Variants in SLCO2A1 observed in about 807,000 individuals in gnomAD.
The protein encoded by SLCO2A1 is solute carrier organic anion transporter family member 2A1.
In SLCO2A1, 60 loss-of-function variants were observed where a neutral mutation model predicts 71.7. The observed-to-expected ratio is 0.84, with a 90% CI of 0.68 to 1.04. The LOEUF is 1.04. Ranked by LOEUF, SLCO2A1 falls within the 50% of genes least tolerant of loss-of-function variation. The pLI is 0.00. For synonymous variants in SLCO2A1, 308 were observed against 326.7 expected, an observed-to-expected ratio of 0.94 and a Z score of 0.62; for missense variants, 745 against 813.4, an observed-to-expected ratio of 0.92 and a Z score of 1.02.
At chr3:133,959,905 G>T (rs1933994541) in intron 3 of SLCO2A1, among the ~76,000 whole-genome samples, 2 of 151,984 alleles carry the variant, frequency 1.3e-5, no homozygotes, top group African/African-American at 2.4e-5. Flanking sequence ...CAGATCACAA[G>T]GTCAGGAGAT....
intron 11 of SLCO2A1, 89 bp from the exon 12 acceptor site, chr3:133,938,582 G>A (rs1264026311): frequency 7.9e-7 from 1 of 1,259,232 alleles, no homozygotes; most frequent in East Asian, 2.3e-5. Context: ...GAGCAGGTCA[G>A]AACCAGCCCT....
At chr3:133,949,105 G>A in intron 6 of SLCO2A1, 134 bp from the exon 7 acceptor site, 1 of 690,320 alleles carries the variant, frequency 1.4e-6, no homozygotes, top group Non-Finnish European at 2.5e-6. Flanking sequence ...GTGTGCATGG[G>A]AGGGCATCCA....
At chr3:133,986,450 C>A (rs779606189) in intron 1 of SLCO2A1, among the ~76,000 whole-genome samples, 1 of 152,152 alleles carries the variant, frequency 6.6e-6, no homozygotes, top group Non-Finnish European at 1.5e-5. Flanking sequence ...ACTTGAGACA[C>A]ATCTTATAGA....
At chr3:133,967,957 G>A (rs1282277044) in intron 3 of SLCO2A1, among the ~76,000 whole-genome samples, 1 of 59,076 alleles carries the variant, frequency 1.7e-5, no homozygotes, top group Non-Finnish European at 3.0e-5. Flanking sequence ...CACTTCCCCC[G>A]ACATGGACCC....
At chr3:134,009,935 C>G (rs1935297763) in intron 1 of SLCO2A1, among the ~76,000 whole-genome samples, 1 of 152,168 alleles carries the variant, frequency 6.6e-6, no homozygotes, top group Admixed American at 6.5e-5. Context: ...GGGCTGCCTC[C>G]CAATGTCCTC....
intron 9 of SLCO2A1, among the ~76,000 whole-genome samples, chr3:133,945,778 G>A (rs908542146): frequency 6.6e-6 from 1 of 152,104 alleles, no homozygotes; most frequent in Admixed American, 6.6e-5. Context: ...ACTGTTCCCC[G>A]GTATCTGATA....
intron 8 of SLCO2A1, 28 bp downstream of exon 8, chr3:133,948,508 C>T (rs200005825): frequency 7.9e-5 from 126 of 1,597,736 alleles, no homozygotes; most frequent in African/African-American, 1.1e-4. Context: ...GCAAGCCCTG[C>T]GGATCCTGCA....
intron 1 of SLCO2A1, among the ~76,000 whole-genome samples, chr3:134,001,021 G>A (rs1935093932): frequency 6.6e-6 from 1 of 152,150 alleles, no homozygotes; most frequent in African/African-American, 2.4e-5. Context: ...TCATCACTTG[G>A]CATATGTTCT....
chr3:133,985,389 C>G (rs1331748420), intron 1 of SLCO2A1, among the ~76,000 whole-genome samples: 1 of 152,226 alleles, frequency 6.6e-6, no homozygotes, highest in East Asian at 1.9e-4. Context: ...ATAATAGATG[C>G]TAGCACTCTC....
intron 3 of SLCO2A1, among the ~76,000 whole-genome samples, chr3:133,971,800 A>C (rs1292382927): frequency 6.6e-6 from 1 of 152,222 alleles, no homozygotes; most frequent in African/African-American, 2.4e-5. Flanking sequence ...CACTTTCCAC[A>C]GTCCTTAAAA....
intron 3 of SLCO2A1, among the ~76,000 whole-genome samples, chr3:133,961,748 G>T (rs1454508736): frequency 6.6e-6 from 1 of 152,162 alleles, no homozygotes; most frequent in Admixed American, 6.5e-5. Context: ...GTTCCTCTTG[G>T]CCTATTCTAC....
intron 12 of SLCO2A1, among the ~76,000 whole-genome samples, chr3:133,936,890 G>A (rs1933282897): frequency 6.6e-6 from 1 of 152,178 alleles, no homozygotes. Flanking sequence ...TCCTTATGTA[G>A]AAGCAAAGTC....
At chr3:133,984,777 G>A (rs1343689741) in intron 1 of SLCO2A1, among the ~76,000 whole-genome samples, 3 of 152,180 alleles carry the variant, frequency 2.0e-5, no homozygotes, top group African/African-American at 7.2e-5. Flanking sequence ...CCATTATTTA[G>A]GCAATATAGT....
chr3:133,950,910 C>A (rs1933729151), intron 6 of SLCO2A1: 1 of 393,214 alleles, frequency 2.5e-6, no homozygotes, highest in Non-Finnish European at 4.8e-6. Context: ...CCTTTATTGG[C>A]TCTTAATTCT....
At chr3:133,978,017 T>A (rs1402684828) in intron 2 of SLCO2A1, among the ~76,000 whole-genome samples, 5 of 151,942 alleles carry the variant, frequency 3.3e-5, no homozygotes, top group Non-Finnish European at 5.9e-5. Context: ...GCCTGGAAGC[T>A]CAGAGGAGGA....
chr3:133,948,640 GCCAGGACCA>G lies in SLCO2A1; in HGVS notation c.992_1000del (p.Val331_Leu333del). On this transcript the variant is annotated inframe_deletion, in exon 8 of 14. Transcript: ENST00000310926. ...AATGACGGAGGAGAAGGTGCACTGG[GCCAGGACCA>G]CCAGGACGAAGAGTGAGTTCATCAG... 6.2e-7 allele frequency: 1 copy of G among 1,614,150 alleles called. No homozygotes were observed. The highest frequency in any genetic ancestry group is 1.3e-5 in the African/African-American group (1 of 75,044).
chr3:134,012,834 C>T (rs1935369800), intron 1 of SLCO2A1, among the ~76,000 whole-genome samples: 1 of 152,144 alleles, frequency 6.6e-6, no homozygotes, highest in South Asian at 2.1e-4. Context: ...CCATCCCTGA[C>T]TCTCCTCGGC....
intron 1 of SLCO2A1, among the ~76,000 whole-genome samples, chr3:134,016,109 G>A (rs560799805): frequency 3.9e-5 from 6 of 152,106 alleles, no homozygotes; most frequent in African/African-American, 1.2e-4. Context: ...GAAATCATTC[G>A]GAAACTAAGG....
Position 133,934,632 on chromosome 3 carries a change from C to T in SLCO2A1, c.*81G>A, listed in dbSNP as rs1486043709. 24 of 948,646 alleles carry T rather than the reference C, an allele frequency of 2.5e-5. No homozygotes were observed. Among genetic ancestry groups the T allele is most frequent in the Non-Finnish European group, 3.3e-5 (20 of 604,432 alleles). The allele number at this position is 948,646 out of a possible 1,614,324, so 58.8% of individuals were successfully genotyped here. ...GTTTAAAAATACAAAAAGGAAATGA[C>T]GTGTTAACATTAGTGAGTATAGGCA... On this transcript the variant is annotated 3_prime_UTR_variant, in exon 14 of 14. Coordinates refer to ENST00000310926, the MANE Select transcript of SLCO2A1 (RefSeq NM_005630.3).
Sources: allele counts gnomAD v4.1 joint callset (sites outside exome capture counted in the v4.1 genomes callset), GRCh38; gene constraint gnomAD v4.1.1; transcripts MANE v1.5; gene names NCBI Gene and HGNC (gene_info 2026-07-23, HGNC 2026-07-21).